The following FNBP1 variants were observed in gnomAD, a reference collection of about 807,000 sequenced individuals.
FNBP1 encodes the protein formin binding protein 1.
In FNBP1, 26 loss-of-function variants were observed where a neutral mutation model predicts 90.6. That is an observed-to-expected ratio of 0.29 (90% CI 0.21 to 0.40). The LOEUF (loss-of-function observed/expected upper bound fraction) is 0.40, where lower values mean the gene tolerates loss of function less well. Among genes scored for constraint, FNBP1 ranks in the 10% least tolerant of loss-of-function variants. FNBP1 has a pLI of 1.00. For synonymous variants in FNBP1, 260 were observed against 265.2 expected (o/e 0.98, Z 0.19); for missense variants, 635 against 768.0 (o/e 0.83, Z 2.05).
chr9:129,975,700 G>A (rs534963257), intron 4 of FNBP1, among the ~76,000 whole-genome samples: 35 of 152,082 alleles, frequency 2.3e-4, no homozygotes, highest in Admixed American at 7.2e-4. Flanking sequence ...TCAGGAGTGC[G>A]AGACCAGCCT....
At chr9:130,006,984 A>C (rs1476824157) in intron 1 of FNBP1, among the ~76,000 whole-genome samples, 1 of 152,068 alleles carries the variant, frequency 6.6e-6, no homozygotes, top group East Asian at 1.9e-4. Flanking sequence ...CTATAATCCC[A>C]GCACTTTGGG....
intron 12 of FNBP1, among the ~76,000 whole-genome samples, chr9:129,907,583 GTGTGTGTGT>G (rs2038363097): frequency 2.4e-3 from 8 of 3,278 alleles, no homozygotes; most frequent in Non-Finnish European, 3.5e-3. Flanking sequence ...GAGTGAGGGT[GTGTGTGTGT>G]GTGTGTGTGT....
At chr9:130,043,776 G>A (rs1163586365), upstream of FNBP1, among the ~76,000 whole-genome samples, 2 of 152,214 alleles carry the variant, frequency 1.3e-5, no homozygotes, top group African/African-American at 2.4e-5. Context: ...TCCAATCTCT[G>A]AAACCAGTGA....
In FNBP1 at chr9:129,902,943, C is replaced by T; in HGVS notation, c.1354G>A (p.Ala452Thr). ...TCTGCTAATTTGTGATCCAAACTGG[C>T]TGGGTCTCCCATCTGAGGATTCTTT... ...YLKNPQMGDPASLDHKLAEVS... is the reference protein window; with the variant it reads ...YLKNPQMGDPTSLDHKLAEVS... Residue 452 changes from alanine (A) to threonine (T), a missense_variant, in exon 13 of 17, where the codon GCC (alanine) becomes ACC (threonine). Ala to Thr is a moderately conservative substitution (Grantham distance 58). Coordinates refer to ENST00000446176, the MANE Select transcript of FNBP1 (RefSeq NM_015033.3). The T allele has an allele frequency of 6.2e-7, 1 of 1,610,286 alleles. No individual in the cohort carries two copies. Among genetic ancestry groups the T allele is most frequent in the Non-Finnish European group, 8.5e-7 (1 of 1,178,034 alleles).
At chr9:129,891,599 C>A (rs1425381620) in intron 16 of FNBP1, among the ~76,000 whole-genome samples, 1 of 152,178 alleles carries the variant, frequency 6.6e-6, no homozygotes, top group Non-Finnish European at 1.5e-5. Context: ...AAAGGAAAAC[C>A]TGTTGTTCTG....
chr9:129,913,832 C>T (rs190279965), intron 11 of FNBP1, among the ~76,000 whole-genome samples: 59 of 152,032 alleles, frequency 3.9e-4, no homozygotes, highest in African/African-American at 1.2e-3. Flanking sequence ...CAAAATAGCA[C>T]AAGCTCCGTG....
intron 1 of FNBP1, among the ~76,000 whole-genome samples, chr9:130,020,522 T>C (rs2057722296): frequency 6.6e-6 from 1 of 152,142 alleles, no homozygotes. Flanking sequence ...TTAGGCAATT[T>C]TTTTTCTTTT....
chr9:129,977,001 T>C (rs1485516260), intron 4 of FNBP1, among the ~76,000 whole-genome samples: 2 of 151,848 alleles, frequency 1.3e-5, no homozygotes. Context: ...ACCCCATCTC[T>C]ACGAAAAATA....
At position 129,940,649 on chromosome 9, in the gene FNBP1, T is replaced by TG. The variant is rs1480722720; in HGVS notation, c.514-10955dup. ...ATACATATATATACATATTTTTAGA[T>TG]GGAGTCTCACTCTGTCACCCAGGCT... On this transcript the variant is annotated intron_variant, in intron 6 of 16. Transcript: ENST00000446176. Among the ~76,000 whole-genome samples the TG allele has an allele frequency of 6.3e-4, 95 of 151,890 alleles. 1 individual carries two copies. The highest frequency in any genetic ancestry group is 2.9e-5 in the Non-Finnish European group (2 of 67,992).
rs551893041 is a variant in FNBP1 at position 129,974,199 on chromosome 9, A to G, written c.345+4266T>C. ...CTCCAGCATCCTTGAAGGTATGTCGAAAAAAACTCACTGGAAAAAAAACCA... is the reference window on the plus strand; with the variant it reads ...CTCCAGCATCCTTGAAGGTATGTCGGAAAAAACTCACTGGAAAAAAAACCA... On this transcript the variant is annotated intron_variant, in intron 4 of 16. Coordinates refer to ENST00000446176, the MANE Select transcript of FNBP1 (RefSeq NM_015033.3). Among the ~76,000 whole-genome samples, 7 of 152,120 alleles carry G rather than the reference A, an allele frequency of 4.6e-5. No homozygotes were observed. In the South Asian group the frequency reaches 1.0e-3, roughly 23 times the overall value.
chr9:130,018,970 A>G (rs1014526725), intron 1 of FNBP1, among the ~76,000 whole-genome samples: 6 of 152,146 alleles, frequency 3.9e-5, no homozygotes, highest in African/African-American at 1.4e-4. Context: ...CACGCCTGTA[A>G]TCCCAGCACT....
At chr9:129,975,450 T>C (rs2050155900) in intron 4 of FNBP1, among the ~76,000 whole-genome samples, 2 of 152,212 alleles carry the variant, frequency 1.3e-5, no homozygotes, top group African/African-American at 4.8e-5. Flanking sequence ...TTGCAAGATA[T>C]TTAATGTGTA....
chr9:129,957,546 T>C lies in FNBP1; in HGVS notation c.409-82A>G, dbSNP rs1564429647. 9.0e-7 allele frequency: 1 copy of C among 1,114,358 alleles called. No homozygotes were observed. Among genetic ancestry groups the C allele is most frequent in the East Asian group, 2.5e-5 (1 of 39,992 alleles). The allele number at this position is 1,114,358 out of a possible 1,614,324, so 69.0% of individuals were successfully genotyped here. A position where few individuals can be genotyped will look rare whatever the true frequency, so the allele number is the denominator to read the frequency against. On this transcript the variant is annotated intron_variant, in intron 5 of 16. Coordinates refer to ENST00000446176, the MANE Select transcript of FNBP1 (RefSeq NM_015033.3). This position sits in a 1 kb window ranked among gnomAD's most constrained non-coding sequence, Gnocchi z 4.3. ...TTTATCTAAAGCTCCCAAAGAGCATTGTTCTTTTTCTTTTTTTTTTCTTCA... is the reference window on the plus strand; with the variant it reads ...TTTATCTAAAGCTCCCAAAGAGCATCGTTCTTTTTCTTTTTTTTTTCTTCA...
At chr9:130,021,853 C>T (rs538788184) in intron 1 of FNBP1, among the ~76,000 whole-genome samples, 3 of 152,290 alleles carry the variant, frequency 2.0e-5, no homozygotes, top group Admixed American at 6.5e-5. Context: ...AGCTAAGATG[C>T]CCAGTACTAA....
At chr9:130,011,340 G>A (rs1209378745) in intron 1 of FNBP1, among the ~76,000 whole-genome samples, 1 of 146,726 alleles carries the variant, frequency 6.8e-6, no homozygotes, top group Non-Finnish European at 1.5e-5. Flanking sequence ...ATAATAAAAG[G>A]TGTGCAAGAA....
At chr9:129,946,618 C>T (rs929060032) in intron 6 of FNBP1, among the ~76,000 whole-genome samples, 4 of 152,264 alleles carry the variant, frequency 2.6e-5, no homozygotes, top group Non-Finnish European at 5.9e-5. Context: ...GAAAAAGAAC[C>T]ATACAAGTTA....
In FNBP1 at chr9:129,923,903, A is replaced by G; in HGVS notation, c.1111T>C (p.Phe371Leu). ...KQQKEPLSHR[F>L]NEFMTSKPKI... ...GGTTTGGAGGTCATGAACTCGTTGA[A>G]GCGATGGGAGAGGGGTTCCTTTTGC... Residue 371 changes from phenylalanine to leucine, a missense_variant, in exon 10 of 17, where the codon TTC becomes CTC. Physicochemically the swap from Phe to Leu is conservative, Grantham distance 22. Coordinates refer to ENST00000446176, the MANE Select transcript of FNBP1 (RefSeq NM_015033.3). 1 of 1,571,028 alleles carries G rather than the reference A, an allele frequency of 6.4e-7. No individual in the cohort carries two copies. The highest frequency in any genetic ancestry group is 8.6e-7 in the Non-Finnish European group (1 of 1,157,526).
At chr9:130,052,875 G>A in the FNBP1 span, among the ~76,000 whole-genome samples, 3 of 152,130 alleles carry the variant, frequency 2.0e-5, no homozygotes, top group Admixed American at 6.5e-5. Flanking sequence ...AGCACTTTGG[G>A]AGGCCGAGGC....
At chr9:129,917,184 T>A (rs569202697) in intron 10 of FNBP1, among the ~76,000 whole-genome samples, 1 of 152,030 alleles carries the variant, frequency 6.6e-6, no homozygotes, top group South Asian at 2.1e-4. Context: ...AGCTAATGTT[T>A]TGTATTTTTA....
Sources: gnomAD v4.1 joint callset for allele counts (sites outside exome capture counted in the v4.1 genomes callset) on GRCh38, gnomAD v4.1.1 for gene constraint, Gnocchi (gnomAD v3.1) non-coding constraint, MANE v1.5 for transcripts, NCBI Gene and HGNC (gene_info 2026-07-23, HGNC 2026-07-21) for gene names.